Variants in HNRNPA1L2 observed in about 807,000 individuals in gnomAD.
HNRNPA1L2 encodes the protein heterogeneous nuclear ribonucleoprotein A1 like 2, also known as heterogeneous nuclear ribonucleoprotein A1-like 2.
A neutral mutation model predicts 18.2 loss-of-function variants in HNRNPA1L2; 10 were observed. The observed-to-expected ratio is 0.55, with a 90% confidence interval of 0.34 to 0.93. HNRNPA1L2 has a LOEUF of 0.93. Ranked by LOEUF, HNRNPA1L2 falls within the 40% of genes least tolerant of loss-of-function variation. The pLI, the probability that HNRNPA1L2 is intolerant of heterozygous loss-of-function variation, is 0.02. For missense variants in HNRNPA1L2, 308 were observed against 394.4 expected, an observed-to-expected ratio of 0.78 and a Z score of 1.85; for synonymous variants, 124 against 138.6, an observed-to-expected ratio of 0.89 and a Z score of 0.74.
chr13:52,620,405 A>G, the HNRNPA1L2 span, among the ~76,000 whole-genome samples: 2 of 152,224 alleles, frequency 1.3e-5, no homozygotes, highest in African/African-American at 4.8e-5. Flanking sequence ...TTTGTTCTGT[A>G]AAACGAGAAT....
the HNRNPA1L2 span, chr13:52,617,678 G>A: frequency 2.2e-6 from 1 of 451,488 alleles, no homozygotes; most frequent in Non-Finnish European, 4.0e-6. Flanking sequence ...GCGTGGAACT[G>A]TCAGGTACCG....
upstream of HNRNPA1L2, chr13:52,641,677 A>C (rs1019336152): frequency 6.6e-6 from 1 of 152,144 alleles, no homozygotes; most frequent in Non-Finnish European, 1.5e-5. Context: ...TGTCAGTCTA[A>C]TTATGTCAAG....
chr13:52,626,196 A>G, the HNRNPA1L2 span, among the ~76,000 whole-genome samples: 1 of 152,134 alleles, frequency 6.6e-6, no homozygotes, highest in Admixed American at 6.5e-5. Context: ...GGGAGCTTTA[A>G]TTTGAATATT....
chr13:52,631,326 G>C, the HNRNPA1L2 span, among the ~76,000 whole-genome samples: 1 of 152,182 alleles, frequency 6.6e-6, no homozygotes, highest in African/African-American at 2.4e-5. Flanking sequence ...TGGCTTTCTT[G>C]AGGAATAGAA....
the HNRNPA1L2 span, among the ~76,000 whole-genome samples, chr13:52,619,943 A>AG: frequency 2.8e-5 from 4 of 143,916 alleles, no homozygotes; most frequent in African/African-American, 1.0e-4. Flanking sequence ...AAAAAAAAAA[A>AG]GAATAATAAT....
At chr13:52,634,548 A>G in the HNRNPA1L2 span, among the ~76,000 whole-genome samples, 1 of 152,214 alleles carries the variant, frequency 6.6e-6, no homozygotes, top group Non-Finnish European at 1.5e-5. Flanking sequence ...ATAGCAACAT[A>G]TGGAAACTTA....
chr13:52,628,456 A>AT, the HNRNPA1L2 span, among the ~76,000 whole-genome samples: 7 of 151,904 alleles, frequency 4.6e-5, no homozygotes, highest in Non-Finnish European at 1.0e-4. Context: ...AAGAAATTAT[A>AT]TTTAAAAAAA....
chr13:52,631,457 G>A, the HNRNPA1L2 span, among the ~76,000 whole-genome samples: 3 of 152,102 alleles, frequency 2.0e-5, no homozygotes, highest in Admixed American at 1.3e-4. Flanking sequence ...CCTCTCTGCC[G>A]TGACTTGCTT....
the HNRNPA1L2 span, chr13:52,629,394 T>C: frequency 4.5e-6 from 1 of 220,994 alleles, no homozygotes; most frequent in Non-Finnish European, 9.8e-6. Context: ...GTTTTGTTTG[T>C]ATAGTTTGGT....
chr13:52,623,862 C>A, the HNRNPA1L2 span, among the ~76,000 whole-genome samples: 1 of 152,184 alleles, frequency 6.6e-6, no homozygotes, highest in Non-Finnish European at 1.5e-5. Flanking sequence ...GCGGGGAAGG[C>A]CAGTCTGTGC....
chr13:52,633,721 G>T, the HNRNPA1L2 span, among the ~76,000 whole-genome samples: 818 of 152,238 alleles, frequency 5.4e-3, 8 homozygotes, highest in African/African-American at 0.018. Flanking sequence ...GTTGAGGTGG[G>T]AGGATCACTG....
chr13:52,642,341 A>G (rs188487212), upstream of HNRNPA1L2: 4 of 1,018,414 alleles, frequency 3.9e-6, no homozygotes, highest in African/African-American at 3.2e-5. Flanking sequence ...GTTCAGGCCC[A>G]TATGAAAAAT....
chr13:52,626,847 T>C, the HNRNPA1L2 span, among the ~76,000 whole-genome samples: 1 of 152,220 alleles, frequency 6.6e-6, no homozygotes, highest in African/African-American at 2.4e-5. Context: ...CCTTCTGTCC[T>C]GAGGCAATTG....
Position 52,642,431 on chromosome 13 carries a change from CT to C in HNRNPA1L2, c.-57del. 1.3e-6 allele frequency: 2 copies of C among 1,592,182 alleles called. No individual in the cohort carries two copies. Among genetic ancestry groups the C allele is most frequent in the Non-Finnish European group, 8.5e-7 (1 of 1,171,218 alleles). ...CTTCATATCTAAGATCTCTGGTGGA[CT>C]TTTTCTGCCCGTGGACGCCGCTGAA... On this transcript the variant is annotated 5_prime_UTR_variant, in exon 1 of 1. Coordinates refer to ENST00000357495, the MANE Select transcript of HNRNPA1L2 (RefSeq NM_001389320.1).
At chr13:52,618,775 G>T in the HNRNPA1L2 span, among the ~76,000 whole-genome samples, 1 of 152,202 alleles carries the variant, frequency 6.6e-6, no homozygotes, top group Non-Finnish European at 1.5e-5. Flanking sequence ...CGTTTTGAAG[G>T]TGTTGCATTT....
the HNRNPA1L2 span, among the ~76,000 whole-genome samples, chr13:52,621,314 C>T: frequency 6.6e-6 from 1 of 152,140 alleles, no homozygotes; most frequent in African/African-American, 2.4e-5. Flanking sequence ...GCTTAGCTTA[C>T]AAGTGGTTAT....
chr13:52,621,437 A>T, the HNRNPA1L2 span, among the ~76,000 whole-genome samples: 1 of 152,188 alleles, frequency 6.6e-6, no homozygotes, highest in Non-Finnish European at 1.5e-5. Context: ...TTATTTAATT[A>T]TAACTTTTTA....
chr13:52,622,238 A>T, the HNRNPA1L2 span: 1 of 154,620 alleles, frequency 6.5e-6, no homozygotes, highest in Admixed American at 6.5e-5. Context: ...GGCCTCAAAG[A>T]GCTTTAGGAC....
chr13:52,636,547 C>T, the HNRNPA1L2 span, among the ~76,000 whole-genome samples: 1 of 152,136 alleles, frequency 6.6e-6, no homozygotes, highest in Non-Finnish European at 1.5e-5. Flanking sequence ...AATTTAAGCA[C>T]AGAGGAAGTA....
Sources: gnomAD v4.1 joint callset for allele counts (sites outside exome capture counted in the v4.1 genomes callset) on GRCh38, gnomAD v4.1.1 for gene constraint, MANE v1.5 for transcripts, NCBI Gene and HGNC (gene_info 2026-07-23, HGNC 2026-07-21) for gene names.